The following CCNL1 variants were observed in gnomAD, a reference collection of about 807,000 sequenced individuals.
The protein encoded by CCNL1 is cyclin-L1.
A neutral mutation model predicts 60.6 loss-of-function variants in CCNL1; 13 were observed. The observed-to-expected ratio is 0.21, with a 90% CI of 0.14 to 0.34. The LOEUF (loss-of-function observed/expected upper bound fraction) is 0.34. Ranked by LOEUF, CCNL1 falls within the 10% of genes least tolerant of loss-of-function variation. CCNL1 has a pLI of 1.00. For synonymous variants in CCNL1, 270 were observed against 244.3 expected (o/e 1.10, Z -0.98); for missense variants, 481 against 664.3 (o/e 0.72, Z 3.03).
chr3:157,158,969 C>A lies in CCNL1; in HGVS notation c.385G>T (p.Ala129Ser), dbSNP rs759998294. The A allele has an allele frequency of 3.7e-6, 6 of 1,607,848 alleles. No homozygotes were observed. In the Admixed American group the frequency reaches 8.4e-5, roughly 23 times the overall value. ...GATGCAAGATTAATACAAGCCATAG[C>A]AACAATCTGAAAGAACCCATGAGCC... is the stretch of plus-strand genomic sequence containing the variant. ...SFVKHSFEIV[A>S]MACINLASKI... The change falls in exon 3 of 11, where the codon GCT becomes TCT. Residue 129 changes from alanine to serine, a missense_variant. Transcript: ENST00000295926.
At chr3:157,159,640 G>C (rs976411679) in intron 1 of CCNL1, 152 bp downstream of exon 1, 7 of 968,828 alleles carry the variant, frequency 7.2e-6, no homozygotes. Context: ...GCAGCCCCCC[G>C]CCCCGGCACG....
rs114451616 is a variant in CCNL1 at position 157,154,827 on chromosome 3, G to A, written c.489-1671C>T. Among the ~76,000 whole-genome samples, 440 of 152,100 alleles carry A rather than the reference G, an allele frequency of 2.9e-3. 4 individuals carry two copies. Among genetic ancestry groups the A allele is most frequent in the African/African-American group, 0.01 (417 of 41,480 alleles). On this transcript the variant is annotated intron_variant, in intron 3 of 10. Coordinates refer to ENST00000295926, the MANE Select transcript of CCNL1 (RefSeq NM_020307.4). ...CATTGAGCTGCTTTCTAATATTAAC[G>A]TGTAATGATGAATCCATTTTATCAG...
At chr3:157,157,402 A>G (rs900322000) in intron 3 of CCNL1, among the ~76,000 whole-genome samples, 4 of 151,752 alleles carry the variant, frequency 2.6e-5, no homozygotes, top group African/African-American at 7.3e-5. Context: ...CTAGTCTCAC[A>G]GGAAAATTCC....
Position 157,149,799 on chromosome 3 carries a change from G to A in CCNL1, c.1021+37C>T, listed in dbSNP as rs761148793. ...GCTCTCTAATAAAGACACACTTTCA[G>A]TGCCCCCAAGTCATTTTAATTCTAA... On this transcript the variant is annotated intron_variant, in intron 8 of 10. Coordinates refer to ENST00000295926, the MANE Select transcript of CCNL1 (RefSeq NM_020307.4). The A allele has an allele frequency of 3.8e-6, 6 of 1,592,080 alleles. No homozygotes were observed. In the African/African-American group the frequency reaches 6.8e-5, roughly 18 times the overall value.
At position 157,147,767 on chromosome 3, in the gene CCNL1, AATTT is replaced by A. The variant is rs1308751118; in HGVS notation, c.*470_*473del. 13 of 979,304 alleles carry A rather than the reference AATTT, an allele frequency of 1.3e-5. No homozygotes were observed. Among genetic ancestry groups the A allele is most frequent in the East Asian group, 1.1e-4 (1 of 8,788 alleles). The allele number at this position is 979,304 out of a possible 1,614,324, so 60.7% of individuals were successfully genotyped here. On this transcript the variant is annotated 3_prime_UTR_variant, in exon 11 of 11. Coordinates refer to ENST00000295926, the MANE Select transcript of CCNL1 (RefSeq NM_020307.4). ...TGCTATTAAAATTTTCCTTTTTAATAATTTATTTAAATAAGGTATTTGAAGCAGT... is the reference window on the plus strand; with the variant it reads ...TGCTATTAAAATTTTCCTTTTTAATAATTTAAATAAGGTATTTGAAGCAGT...
At chr3:157,157,821 T>G (rs912567958) in intron 3 of CCNL1, among the ~76,000 whole-genome samples, 9 of 152,234 alleles carry the variant, frequency 5.9e-5, no homozygotes, top group African/African-American at 1.9e-4. Flanking sequence ...CATCTTAAAG[T>G]TGCTTTAATA....
rs1414618409 is a variant in CCNL1, at chr3:157,153,149, T to C, written c.496A>G (p.Ser166Gly). 17 of 1,611,144 alleles carry C rather than the reference T, an allele frequency of 1.1e-5. No homozygotes were observed. The highest frequency in any genetic ancestry group is 2.7e-5 in the African/African-American group (2 of 74,726). ...LRQLRGKRTP[S>G]PLILDQNYIN... ...TAGTTCTGATCAAGGATCAGGGGGC[T>C]TGGAGTCCTATAGTTTGTAAGAAAT... Residue 166 changes from serine (S) to glycine (G), a missense_variant, in exon 4 of 11, where the codon AGC becomes GGC. Physicochemically the swap from Ser to Gly is moderately conservative, Grantham distance 56 (BLOSUM62 0). Around this residue, in one of 5 missense-constraint regions of CCNL1, gnomAD observed 130 missense variants for 174.5 expected, o/e 0.75. Coordinates refer to ENST00000295926, the MANE Select transcript of CCNL1 (RefSeq NM_020307.4).
intron 3 of CCNL1, among the ~76,000 whole-genome samples, chr3:157,158,394 T>C (rs535164322): frequency 6.6e-6 from 1 of 152,370 alleles, no homozygotes; most frequent in East Asian, 1.9e-4. Flanking sequence ...TGTTGAGAAG[T>C]ACTCTAACAA....
intron 5 of CCNL1, chr3:157,151,698 C>G (rs996763077): frequency 6.0e-6 from 6 of 1,004,694 alleles, no homozygotes; most frequent in Admixed American, 1.1e-4. Context: ...TACAAGTATA[C>G]ATTAAATACA....
intron 3 of CCNL1, chr3:157,153,741 A>C (rs2108124813): frequency 6.6e-6 from 1 of 151,572 alleles, no homozygotes; most frequent in South Asian, 2.1e-4. Context: ...TATGGCCAAA[A>C]TTTTTCAAAA....
At position 157,149,860 on chromosome 3, in the gene CCNL1, C is replaced by A; in HGVS notation, c.997G>T (p.Gly333Ter). Reference sequence around the variant, plus strand: ...CATGGCTTGGAGGCTGGAGAAAATCCACCCAGGGTTGAAAGGGCTGGAGTT... The same window carrying A: ...CATGGCTTGGAGGCTGGAGAAAATCAACCCAGGGTTGAAAGGGCTGGAGTT... ...DGTPALSTLG[G>*]FSPASKPSSP... The change falls in exon 8 of 11, where the codon GGA becomes TGA. Residue 333 changes from glycine (G) to a stop codon, truncating the protein, a stop_gained. Transcript: ENST00000295926. LOFTEE classifies it high-confidence loss of function. The A allele has an allele frequency of 6.2e-7, 1 of 1,613,900 alleles. No homozygotes were observed. The highest frequency in any genetic ancestry group is 8.5e-7 in the Non-Finnish European group (1 of 1,179,940).
In CCNL1 at chr3:157,159,856, G is replaced by A. The variant is rs1439758356; in HGVS notation, c.239C>T (p.Thr80Met). 1.0e-5 allele frequency: 16 copies of A among 1,575,762 alleles called. No individual in the cohort carries two copies. Among genetic ancestry groups the A allele is most frequent in the Non-Finnish European group, 1.4e-5 (16 of 1,159,922 alleles). Residue 80 changes from threonine (T) to methionine (M), a missense_variant, in exon 1 of 11, where the codon ACG becomes ATG. Coordinates refer to ENST00000295926, the MANE Select transcript of CCNL1 (RefSeq NM_020307.4). ...MQDGLDLPSE[T>M]DLRILGCELI... Reference sequence around the variant, plus strand: ...CTCGCAGCCCAGGATGCGTAAGTCCGTCTCACTGGGCAGGTCGAGCCCATC... The same window carrying A: ...CTCGCAGCCCAGGATGCGTAAGTCCATCTCACTGGGCAGGTCGAGCCCATC...
chr3:157,149,242 A>G, intron 10 of CCNL1, 45 bp downstream of exon 10: 1 of 1,454,476 alleles, frequency 6.9e-7, no homozygotes, highest in East Asian at 2.3e-5. Flanking sequence ...AATAACCTTT[A>G]AAAACTCCAA....
At chr3:157,143,961 C>T (rs6809003), downstream of CCNL1, among the ~76,000 whole-genome samples, 1 of 151,958 alleles carries the variant, frequency 6.6e-6, no homozygotes, top group Non-Finnish European at 1.5e-5. Context: ...TTTACCTACT[C>T]TTCAAAGAAA....
chr3:157,159,280 G>T, intron 2 of CCNL1, 125 bp downstream of exon 2: 1 of 814,694 alleles, frequency 1.2e-6, no homozygotes, highest in South Asian at 1.7e-5. Flanking sequence ...CCTGGCGAGT[G>T]AGAAGTAGGT....
chr3:157,151,561 G>A lies in CCNL1; in HGVS notation c.674+616C>T, dbSNP rs562323978. ...GCCCATTTTAAGCTGCAAGTTTGTC[G>A]TCTCCTTTGGTAGTATTCATGCTAT... On this transcript the variant is annotated intron_variant, in intron 5 of 10. Transcript: ENST00000295926. 1.9e-5 allele frequency: 19 copies of A among 985,810 alleles called. 1 individual carries two copies. The South Asian group carries it at 6.1e-4, about 32-fold the overall frequency. The allele number at this position is 985,810 out of a possible 1,614,324, so 61.1% of individuals were successfully genotyped here.
chr3:157,149,012 A>AG (rs895991220), intron 10 of CCNL1: 4 of 351,858 alleles, frequency 1.1e-5, no homozygotes, highest in African/African-American at 8.6e-5. Context: ...AAAAAAAAAA[A>AG]GAAGTTTTCA....
chr3:157,152,501 G>A (rs919777455), intron 4 of CCNL1: 15 of 1,166,644 alleles, frequency 1.3e-5, no homozygotes, highest in Non-Finnish European at 1.6e-5. Context: ...ACTTTACTAT[G>A]TGATGGGCAC....
Position 157,148,012 on chromosome 3 carries a change from A to C in CCNL1, c.*229T>G. ...ACAATACACAACTATAATAAAGTAC[A>C]ATTGAACCTGACCATGGTTTTTAAT... On this transcript the variant is annotated 3_prime_UTR_variant, in exon 11 of 11. Coordinates refer to ENST00000295926, the MANE Select transcript of CCNL1 (RefSeq NM_020307.4). 7.7e-7 allele frequency: 1 copy of C among 1,304,586 alleles called. No homozygotes were observed. Among genetic ancestry groups the C allele is most frequent in the Non-Finnish European group, 9.7e-7 (1 of 1,029,604 alleles). 80.8% of individuals were successfully genotyped at this position (1,304,586 alleles called of 1,614,324 possible).
Sources: gnomAD v4.1 joint callset for allele counts (sites outside exome capture counted in the v4.1 genomes callset) on GRCh38, gnomAD v4.1.1 for gene constraint, gnomAD v4.1.1 regional missense constraint, MANE v1.5 for transcripts, NCBI Gene and HGNC (gene_info 2026-07-23, HGNC 2026-07-21) for gene names.